PPARD: variants seen among roughly 807,000 people sequenced by gnomAD.
The protein encoded by PPARD is peroxisome proliferator activated receptor delta.
Under a neutral mutation model 39.5 loss-of-function variants are expected in PPARD, and 6 were observed. The observed-to-expected ratio is 0.15, with a 90% confidence interval of 0.08 to 0.30. The LOEUF (loss-of-function observed/expected upper bound fraction) is 0.30, where lower values mean the gene tolerates loss of function less well. PPARD is among the 10% of genes least tolerant of loss of function. PPARD has a pLI of 1.00. For synonymous variants in PPARD, 210 were observed against 231.3 expected, an observed-to-expected ratio of 0.91 and a Z score of 0.83; for missense variants, 397 against 596.8, an observed-to-expected ratio of 0.67 and a Z score of 3.49.
At chr6:35,346,950 G>T (rs909803752) in intron 1 of PPARD, 117 bp from the exon 2 acceptor site, 1 of 610,834 alleles carries the variant, frequency 1.6e-6, no homozygotes, top group African/African-American at 1.9e-5. Flanking sequence ...GACCGACGAG[G>T]AGCCAGATTA....
At chr6:35,364,289 T>C (rs1053759239) in intron 2 of PPARD, among the ~76,000 whole-genome samples, 1 of 152,252 alleles carries the variant, frequency 6.6e-6, no homozygotes, top group Non-Finnish European at 1.5e-5. Context: ...TATTTATTGG[T>C]AAATTGGTGG....
In PPARD at chr6:35,406,016, C is replaced by T. The variant is rs1359255259; in HGVS notation, c.-101-4971C>T. ...ATCTTGGCTCACTGAAACCTCTCCCCTCCGGGTTCAAGTGATTCTCGTGCC... is the reference window on the plus strand; with the variant it reads ...ATCTTGGCTCACTGAAACCTCTCCCTTCCGGGTTCAAGTGATTCTCGTGCC... On this transcript the variant is annotated intron_variant, in intron 2 of 7. Coordinates refer to ENST00000360694, the MANE Select transcript of PPARD (RefSeq NM_006238.5). 2.0e-5 allele frequency among the ~76,000 whole-genome samples: 3 copies of T among 151,878 alleles called. No homozygotes were observed. In the East Asian group the frequency reaches 5.8e-4, roughly 29 times the overall value.
chr6:35,424,293 C>T lies in PPARD; in HGVS notation c.628-36C>T, dbSNP rs1166926332. On this transcript the variant is annotated intron_variant, in intron 6 of 7. Coordinates refer to ENST00000360694, the MANE Select transcript of PPARD (RefSeq NM_006238.5). The surrounding 1 kb of genome is among the most constrained non-coding windows in gnomAD (Gnocchi z 7.1). ...CATGGGGAGCACAGGGTGGGGGTCT[C>T]CCGAGGCCTGATCTCTAACGGGGCC... 1 of 1,603,600 alleles carries T rather than the reference C, an allele frequency of 6.2e-7. No homozygotes were observed. The highest frequency in any genetic ancestry group is 1.7e-5 in the Admixed American group (1 of 59,696).
chr6:35,413,818 G>T (rs1309086412), intron 3 of PPARD, among the ~76,000 whole-genome samples: 4 of 151,958 alleles, frequency 2.6e-5, no homozygotes, highest in African/African-American at 9.7e-5. Flanking sequence ...CAAGTAGCTG[G>T]AATTACAGGC....
rs918506808 is a variant in PPARD at position 35,412,222 on chromosome 6, C to T, written c.130+1005C>T. 6.6e-6 allele frequency among the ~76,000 whole-genome samples: 1 copy of T among 152,144 alleles called. No individual in the cohort carries two copies. Among genetic ancestry groups the T allele is most frequent in the African/African-American group, 2.4e-5 (1 of 41,448 alleles). ...CTGGGATTACAAGCAGGAGCCACCG[C>T]GCCTGGCCTGATCCCTCTGCTTCTT... On this transcript the variant is annotated intron_variant, in intron 3 of 7. Coordinates refer to ENST00000360694, the MANE Select transcript of PPARD (RefSeq NM_006238.5). This position sits in a 1 kb window ranked among gnomAD's most constrained non-coding sequence, Gnocchi z 4.1.
intron 2 of PPARD, among the ~76,000 whole-genome samples, chr6:35,369,128 A>G (rs1174454916): frequency 6.6e-6 from 1 of 152,224 alleles, no homozygotes; most frequent in Non-Finnish European, 1.5e-5. Flanking sequence ...ATATTTGGAA[A>G]ATAAAGATAA....
intron 2 of PPARD, among the ~76,000 whole-genome samples, chr6:35,393,691 G>A (rs1251099753): frequency 6.6e-6 from 1 of 152,198 alleles, no homozygotes; most frequent in Non-Finnish European, 1.5e-5. Context: ...TCTCTAGGGT[G>A]CTTTGATGCT....
chr6:35,385,121 C>G (rs1487356658), intron 2 of PPARD, among the ~76,000 whole-genome samples: 3 of 146,316 alleles, frequency 2.1e-5, no homozygotes, highest in Non-Finnish European at 3.0e-5. Context: ...GGCCACCACC[C>G]CGTCTGGGAG....
intron 2 of PPARD, among the ~76,000 whole-genome samples, chr6:35,390,011 C>T (rs1226225646): frequency 6.6e-6 from 1 of 152,196 alleles, no homozygotes; most frequent in East Asian, 1.9e-4. Flanking sequence ...TCAAGGCTAG[C>T]CAGGTCCTGG....
intron 2 of PPARD, among the ~76,000 whole-genome samples, chr6:35,400,042 G>A (rs928844335): frequency 6.6e-6 from 1 of 152,176 alleles, no homozygotes; most frequent in Non-Finnish European, 1.5e-5. Context: ...ACTTGAACTT[G>A]AGATCCCTGG....
rs768255316 is a variant in PPARD, at chr6:35,424,583, G to T, written c.882G>T (p.Leu294=). ...TGCACGAGGCCATCTTCGCCATGCTGGCCTCTATCGTCAACAAGGACGGGC... is the reference window on the plus strand; with the variant it reads ...TGCACGAGGCCATCTTCGCCATGCTTGCCTCTATCGTCAACAAGGACGGGC... ...YGVHEAIFAM[L]ASIVNKDGLL... is the part of the protein sequence containing the mutation. Residue 294 remains leucine (L), a synonymous_variant, in exon 7 of 8, where the codon CTG becomes CTT. Coordinates refer to ENST00000360694, the MANE Select transcript of PPARD (RefSeq NM_006238.5). This position sits in a 1 kb window ranked among gnomAD's most constrained non-coding sequence, Gnocchi z 7.1. 6.2e-7 allele frequency: 1 copy of T among 1,614,268 alleles called. No individual in the cohort carries two copies. The highest frequency in any genetic ancestry group is 8.5e-7 in the Non-Finnish European group (1 of 1,180,052).
chr6:35,415,723 G>A (rs551095173), intron 3 of PPARD, among the ~76,000 whole-genome samples: 260 of 150,076 alleles, frequency 1.7e-3, no homozygotes, highest in African/African-American at 6.3e-3. Flanking sequence ...ATGGTTCTAG[G>A]TTATAATTCT....
chr6:35,385,046 G>A (rs1158695082), intron 2 of PPARD, among the ~76,000 whole-genome samples: 2 of 146,036 alleles, frequency 1.4e-5, no homozygotes, highest in South Asian at 2.1e-4. Context: ...CAGCCGCCCC[G>A]TCCGGGAGGT....
At chr6:35,387,166 G>T (rs1763717501) in intron 2 of PPARD, among the ~76,000 whole-genome samples, 1 of 152,060 alleles carries the variant, frequency 6.6e-6, no homozygotes, top group Non-Finnish European at 1.5e-5. Context: ...AGTTGCATCA[G>T]TTGTTGCTCT....
chr6:35,413,725 A>G (rs2150793576), intron 3 of PPARD, among the ~76,000 whole-genome samples: 1 of 149,974 alleles, frequency 6.7e-6, no homozygotes, highest in African/African-American at 2.5e-5. Flanking sequence ...TCTGTCGCTC[A>G]GGCTGGAGTG....
chr6:35,355,395 T>C lies in PPARD; in HGVS notation c.-102+8245T>C, dbSNP rs565869031. On this transcript the variant is annotated intron_variant, in intron 2 of 7. Transcript: ENST00000360694. ...GGCGAAACCCCGTCTCTACAAAAAA[T>C]ACAAAAATTATCCAGGCGTGGTGGT... Among the ~76,000 whole-genome samples the C allele has an allele frequency of 2.6e-3, 391 of 151,516 alleles. 6 individuals carry two copies. The highest frequency in any genetic ancestry group is 3.5e-3 in the Non-Finnish European group (236 of 67,834).
chr6:35,399,810 T>A (rs1411927425), intron 2 of PPARD, among the ~76,000 whole-genome samples: 1 of 152,246 alleles, frequency 6.6e-6, no homozygotes, highest in African/African-American at 2.4e-5. Context: ...TCGTATTGTA[T>A]TTTTCACTTA....
At chr6:35,365,474 AT>A (rs1435302697) in intron 2 of PPARD, among the ~76,000 whole-genome samples, 1 of 142,270 alleles carries the variant, frequency 7.0e-6, no homozygotes, top group Non-Finnish European at 1.5e-5. Flanking sequence ...TGGCTCATCC[AT>A]TGTATGGATG....
chr6:35,348,498 T>G (rs1761024412), intron 2 of PPARD: 1 of 985,450 alleles, frequency 1.0e-6, no homozygotes, highest in South Asian at 4.7e-5. Flanking sequence ...ATTGTCCTAT[T>G]TGGAAGGCTG....
Sources: gnomAD v4.1 joint callset for allele counts (sites outside exome capture counted in the v4.1 genomes callset) on GRCh38, gnomAD v4.1.1 for gene constraint, Gnocchi (gnomAD v3.1) non-coding constraint, MANE v1.5 for transcripts, NCBI Gene and HGNC (gene_info 2026-07-23, HGNC 2026-07-21) for gene names.